Variants in CEP162 observed in about 807,000 individuals in gnomAD.
CEP162 encodes the protein centrosomal protein 162, also known as centrosomal protein of 162 kDa.
Under a neutral mutation model 169.2 loss-of-function variants are expected in CEP162, and 141 were observed. The observed-to-expected ratio is 0.83, with a 90% CI of 0.73 to 0.96. The LOEUF (loss-of-function observed/expected upper bound fraction) is 0.96. Among genes scored for constraint, CEP162 ranks in the 40% least tolerant of loss-of-function variants. The pLI, the probability that CEP162 is intolerant of heterozygous loss-of-function variation, is 0.00. For missense variants in CEP162, 1,600 were observed against 1,587.2 expected, an observed-to-expected ratio of 1.01 and a Z score of -0.14; for synonymous variants, 540 against 526.4, an observed-to-expected ratio of 1.03 and a Z score of -0.35.
intron 18 of CEP162, among the ~76,000 whole-genome samples, chr6:84,167,897 T>C (rs1271487753): frequency 1.3e-5 from 2 of 152,144 alleles, no homozygotes; most frequent in Admixed American, 6.6e-5. Context: ...CTTTGAAGGG[T>C]ATCCCGTCTA....
chr6:84,173,736 T>C (rs1373939806), intron 16 of CEP162, among the ~76,000 whole-genome samples: 2 of 149,672 alleles, frequency 1.3e-5, no homozygotes, highest in Admixed American at 6.7e-5. Flanking sequence ...TAGGCTGGAG[T>C]GCAGTGATGT....
intron 22 of CEP162, 106 bp from the exon 23 acceptor site, chr6:84,153,285 A>G (rs898461663): frequency 1.0e-6 from 1 of 997,586 alleles, no homozygotes; most frequent in Non-Finnish European, 1.4e-6. Flanking sequence ...TCAGGTACTC[A>G]TTATACATTC....
intron 3 of CEP162, 75 bp from the exon 4 acceptor site, chr6:84,215,997 A>G: frequency 5.6e-6 from 8 of 1,430,650 alleles, no homozygotes; most frequent in Non-Finnish European, 7.3e-6. Flanking sequence ...ACACAATAAT[A>G]ATGTTATGCT....
At chr6:84,182,095 A>C (rs1317050514) in intron 13 of CEP162, among the ~76,000 whole-genome samples, 1 of 152,036 alleles carries the variant, frequency 6.6e-6, no homozygotes, top group Non-Finnish European at 1.5e-5. Context: ...GAACCTGTAA[A>C]GTGTAATCTC....
At chr6:84,146,571 G>A (rs1316790119) in intron 25 of CEP162, 116 bp downstream of exon 25, 8 of 500,778 alleles carry the variant, frequency 1.6e-5, no homozygotes, top group Admixed American at 3.7e-5. Flanking sequence ...TTTTCTTGAC[G>A]TGATACTTTC....
intron 25 of CEP162, among the ~76,000 whole-genome samples, chr6:84,133,580 C>A (rs1035765452): frequency 6.6e-6 from 1 of 152,204 alleles, no homozygotes; most frequent in Non-Finnish European, 1.5e-5. Context: ...GCCCCTCCCC[C>A]AGCCTTGCTG....
chr6:84,168,675 G>A (rs554621044), intron 18 of CEP162, among the ~76,000 whole-genome samples: 1 of 152,242 alleles, frequency 6.6e-6, no homozygotes, highest in East Asian at 1.9e-4. Context: ...AAATCATGCA[G>A]TGCATGAATT....
At chr6:84,192,606 C>T (rs1218837149) in intron 11 of CEP162, among the ~76,000 whole-genome samples, 1 of 152,204 alleles carries the variant, frequency 6.6e-6, no homozygotes, top group Non-Finnish European at 1.5e-5. Context: ...TGTGGATTTA[C>T]ATCATGAGGA....
At chr6:84,203,958 A>T (rs1413335448) in intron 7 of CEP162, 23 bp downstream of exon 7, 7 of 1,476,094 alleles carry the variant, frequency 4.7e-6, no homozygotes, top group Non-Finnish European at 6.5e-6. Flanking sequence ...CAAAACTGTC[A>T]AATATATAAT....
Position 84,215,348 on chromosome 6 carries a change from A to G in CEP162, c.437T>C (p.Ile146Thr), listed in dbSNP as rs147915749. ...TTCCTTATTTAATCTCGAATAATCAATGGAAGATGTCAAGCCTTTCTCAAG... is the reference window on the plus strand; with the variant it reads ...TTCCTTATTTAATCTCGAATAATCAGTGGAAGATGTCAAGCCTTTCTCAAG... ...ARLEKGLTSS[I>T]DYSRLNKELD... The change falls in exon 5 of 27, where the codon ATT becomes ACT. Residue 146 changes from isoleucine (I) to threonine (T), a missense_variant. Physicochemically the swap from Ile to Thr is moderately conservative, Grantham distance 89. Coordinates refer to ENST00000403245, the MANE Select transcript of CEP162 (RefSeq NM_014895.4). 4.2e-3 allele frequency: 6,676 copies of G among 1,604,750 alleles called. 27 individuals carry two copies. Among genetic ancestry groups the G allele is most frequent in the Non-Finnish European group, 4.9e-3 (5,730 of 1,174,398 alleles).
chr6:84,149,160 C>A (rs1324146), intron 24 of CEP162, among the ~76,000 whole-genome samples: 6,442 of 152,024 alleles, frequency 0.042, 197 homozygotes, highest in Admixed American at 0.086. Flanking sequence ...GGTCATGGGG[C>A]AGGAAGAATG....
At chr6:84,170,530 T>C (rs1462220897) in intron 17 of CEP162, among the ~76,000 whole-genome samples, 1 of 152,110 alleles carries the variant, frequency 6.6e-6, no homozygotes, top group Non-Finnish European at 1.5e-5. Context: ...TGTCTTTTTC[T>C]ATTTTGCCTG....
At chr6:84,207,792 T>C (rs6454356) in intron 6 of CEP162, among the ~76,000 whole-genome samples, 33,519 of 152,090 alleles carry the variant, frequency 0.22, 8,142 homozygotes, top group African/African-American at 0.61. Context: ...TCTGTCATTA[T>C]GGTACTTTCA....
At chr6:84,153,916 C>T (rs1481378719) in intron 22 of CEP162, among the ~76,000 whole-genome samples, 1 of 152,034 alleles carries the variant, frequency 6.6e-6, no homozygotes, top group African/African-American at 2.4e-5. Context: ...GCAGAGGAGG[C>T]GACGCTGCCC....
rs185745011 is a variant in CEP162, at chr6:84,130,679, T to C, written c.3871-4167A>G. 9.2e-5 allele frequency among the ~76,000 whole-genome samples: 14 copies of C among 152,328 alleles called. No individual in the cohort carries two copies. The East Asian group carries it at 1.9e-3, about 21-fold the overall frequency. ...TATAGTATTCTCTCATGGTAGTGTG[T>C]ATTTCTGTGGGATCGGTGGTGATAT... On this transcript the variant is annotated intron_variant, in intron 25 of 26. Transcript: ENST00000403245.
rs189673325 is a variant in CEP162 at position 84,215,431 on chromosome 6, G to T, written c.354C>A (p.Leu118=). The change falls in exon 5 of 27, where the codon CTC becomes CTA. Residue 118 remains leucine (L), a synonymous_variant. Coordinates refer to ENST00000403245, the MANE Select transcript of CEP162 (RefSeq NM_014895.4). ...CTTCTAATGTGTCCAATCCCACTCC[G>T]AGACTACTATGGTTGAGCTCAGAAA... The part of the protein sequence containing the change: ...LVVSELNHSS[L]GVGLDTLEEQ... 6.2e-7 allele frequency: 1 copy of T among 1,605,558 alleles called. No homozygotes were observed. The highest frequency in any genetic ancestry group is 8.5e-7 in the Non-Finnish European group (1 of 1,176,218).
At chr6:84,214,233 C>T (rs576947918) in intron 5 of CEP162, among the ~76,000 whole-genome samples, 4 of 152,276 alleles carry the variant, frequency 2.6e-5, no homozygotes, top group South Asian at 2.1e-4. Flanking sequence ...GAGCCAAGAT[C>T]GTGCCACTGC....
intron 2 of CEP162, among the ~76,000 whole-genome samples, chr6:84,224,842 GCTAT>G (rs548396615): frequency 1.7e-3 from 266 of 152,228 alleles, no homozygotes; most frequent in African/African-American, 6.1e-3. Context: ...GGCCTGTTCT[GCTAT>G]CTTTTACAAT....
At chr6:84,209,424 G>A (rs1054181392) in intron 6 of CEP162, among the ~76,000 whole-genome samples, 3 of 151,120 alleles carry the variant, frequency 2.0e-5, no homozygotes, top group Non-Finnish European at 4.4e-5. Flanking sequence ...GCCCAGGCTG[G>A]AGTGCGATGG....
Sources: allele counts gnomAD v4.1 joint callset (sites outside exome capture counted in the v4.1 genomes callset), GRCh38; gene constraint gnomAD v4.1.1; transcripts MANE v1.5; gene names NCBI Gene and HGNC (gene_info 2026-07-23, HGNC 2026-07-21).